The following SLIT3 variants were observed in gnomAD, a reference collection of about 807,000 sequenced individuals.
SLIT3 encodes the protein slit homolog 3 protein.
Under a neutral mutation model 184.0 loss-of-function variants are expected in SLIT3, and 68 were observed. That is an observed-to-expected ratio of 0.37 (90% confidence interval 0.30 to 0.45). The LOEUF (loss-of-function observed/expected upper bound fraction) is 0.45, where lower values mean the gene tolerates loss of function less well. Among genes scored for constraint, SLIT3 ranks in the 20% least tolerant of loss-of-function variants. The pLI is 1.00. For missense variants in SLIT3, 1,707 were observed against 2,026.0 expected, an observed-to-expected ratio of 0.84 and a Z score of 3.02; for synonymous variants, 831 against 828.6, an observed-to-expected ratio of 1.00 and a Z score of -0.05.
At chr5:169,015,679 T>G (rs1756335325) in intron 4 of SLIT3, among the ~76,000 whole-genome samples, 1 of 152,028 alleles carries the variant, frequency 6.6e-6, no homozygotes, top group Admixed American at 6.6e-5. Context: ...GCTTATAATC[T>G]CAGTGCTTTG....
chr5:168,672,144 C>T (rs567339689), intron 33 of SLIT3, among the ~76,000 whole-genome samples: 95 of 152,264 alleles, frequency 6.2e-4, no homozygotes, highest in Non-Finnish European at 1.1e-3. Flanking sequence ...CTGGGACTGG[C>T]CTGGAAGCAG....
rs549799005 is a variant in SLIT3, at chr5:168,875,477, C to CA, written c.485+7787dup. Reference sequence around the variant, plus strand: ...TGTAACACTGTCTCTACTAAAAATCCAAAAAAATTAGCCAGGTGTGGTGGC... The same window carrying CA: ...TGTAACACTGTCTCTACTAAAAATCCAAAAAAAATTAGCCAGGTGTGGTGGC... On this transcript the variant is annotated intron_variant, in intron 5 of 35. Coordinates refer to ENST00000519560, the MANE Select transcript of SLIT3 (RefSeq NM_003062.4). 3.4e-3 allele frequency among the ~76,000 whole-genome samples: 512 copies of CA among 151,770 alleles called. 5 individuals are homozygous for CA. The highest frequency in any genetic ancestry group is 0.011 in the African/African-American group (472 of 41,404).
chr5:169,126,859 T>A (rs1421487139), intron 4 of SLIT3, among the ~76,000 whole-genome samples: 1 of 150,016 alleles, frequency 6.7e-6, no homozygotes, highest in Non-Finnish European at 1.5e-5. Flanking sequence ...GTTGCCCAGA[T>A]TTTTCTCTCC....
chr5:168,880,753 T>C (rs1767374677), intron 5 of SLIT3, among the ~76,000 whole-genome samples: 1 of 152,296 alleles, frequency 6.6e-6, no homozygotes, highest in Admixed American at 6.5e-5. Flanking sequence ...ACACATGGAA[T>C]TCATACATAC....
intron 4 of SLIT3, among the ~76,000 whole-genome samples, chr5:169,062,171 G>A (rs1374854189): frequency 6.6e-6 from 1 of 152,066 alleles, no homozygotes; most frequent in Non-Finnish European, 1.5e-5. Context: ...GCGACAGAGC[G>A]AGACTCTGTC....
intron 4 of SLIT3, among the ~76,000 whole-genome samples, chr5:169,051,744 T>C (rs1757822928): frequency 6.6e-6 from 1 of 152,174 alleles, no homozygotes; most frequent in Non-Finnish European, 1.5e-5. Context: ...TCCACTGCAT[T>C]CCAAGGAGAG....
intron 9 of SLIT3, among the ~76,000 whole-genome samples, chr5:168,801,817 G>T (rs1418522451): frequency 1.3e-5 from 2 of 152,218 alleles, no homozygotes; most frequent in East Asian, 3.9e-4. Flanking sequence ...CTCACTGTGG[G>T]TTCTCTGGAA....
intron 4 of SLIT3, among the ~76,000 whole-genome samples, chr5:169,146,429 G>T (rs1761928973): frequency 6.6e-6 from 1 of 152,236 alleles, no homozygotes; most frequent in African/African-American, 2.4e-5. Flanking sequence ...TGCCTCCCGG[G>T]ATTCCATCAG....
At chr5:168,694,792 T>C (rs1762005023) in intron 28 of SLIT3, among the ~76,000 whole-genome samples, 1 of 152,186 alleles carries the variant, frequency 6.6e-6, no homozygotes, top group Non-Finnish European at 1.5e-5. Flanking sequence ...CTAATTTTTG[T>C]ATTTTTAGTA....
At chr5:168,727,231 A>C (rs547618364) in intron 20 of SLIT3, among the ~76,000 whole-genome samples, 1 of 152,190 alleles carries the variant, frequency 6.6e-6, no homozygotes, top group African/African-American at 2.4e-5. Context: ...GAGGCAGGAG[A>C]ATCATTTGAA....
intron 25 of SLIT3, among the ~76,000 whole-genome samples, chr5:168,709,117 G>A (rs937609496): frequency 1.1e-5 from 1 of 94,662 alleles, no homozygotes; most frequent in East Asian, 4.1e-4. Flanking sequence ...TTTTTTTTTT[G>A]AGATGGAGTC....
intron 4 of SLIT3, among the ~76,000 whole-genome samples, chr5:169,032,741 T>C (rs530884846): frequency 5.3e-5 from 8 of 151,942 alleles, no homozygotes; most frequent in African/African-American, 1.9e-4. Context: ...CAGGACCTCA[T>C]ATAACACTCA....
At chr5:169,161,236 G>A (rs1762467277) in intron 4 of SLIT3, among the ~76,000 whole-genome samples, 1 of 152,200 alleles carries the variant, frequency 6.6e-6, no homozygotes, top group African/African-American at 2.4e-5. Context: ...GGGGATTTGT[G>A]GTCGGCCGCT....
At chr5:168,668,753 C>G (rs1045508226) in intron 35 of SLIT3, among the ~76,000 whole-genome samples, 8 of 152,128 alleles carry the variant, frequency 5.3e-5, no homozygotes, top group African/African-American at 1.7e-4. Flanking sequence ...CTGGCCCTAT[C>G]TAGATGAGGA....
intron 4 of SLIT3, among the ~76,000 whole-genome samples, chr5:168,993,224 C>T (rs1249247723): frequency 2.6e-5 from 4 of 152,216 alleles, no homozygotes; most frequent in Admixed American, 6.5e-5. Context: ...AGATGTCAGC[C>T]AAGCGCAGAA....
chr5:169,101,676 A>G (rs1381661060), intron 4 of SLIT3, among the ~76,000 whole-genome samples: 1 of 152,240 alleles, frequency 6.6e-6, no homozygotes, highest in East Asian at 1.9e-4. Flanking sequence ...CAGTTTCAAG[A>G]AAAATGATCC....
intron 29 of SLIT3, among the ~76,000 whole-genome samples, chr5:168,688,470 A>C (rs1761812730): frequency 6.6e-6 from 1 of 152,180 alleles, no homozygotes; most frequent in Non-Finnish European, 1.5e-5. Flanking sequence ...GGTGGAATCC[A>C]CAAGTGGCAA....
At position 169,085,350 on chromosome 5, in the gene SLIT3, T is replaced by C. The variant is rs369604126; in HGVS notation, c.413+108129A>G. ...GTCAGCAACCTGGGGTTTCTGCTTT[T>C]ATGACATCTTCTGACCCAGTGAGCA... On this transcript the variant is annotated intron_variant, in intron 4 of 35. Coordinates refer to ENST00000519560, the MANE Select transcript of SLIT3 (RefSeq NM_003062.4). 3.3e-4 allele frequency among the ~76,000 whole-genome samples: 50 copies of C among 152,334 alleles called. No individual in the cohort carries two copies. In the South Asian group the frequency reaches 0.01, roughly 31 times the overall value.
chr5:169,228,614 T>C (rs1452504935), intron 3 of SLIT3, among the ~76,000 whole-genome samples: 1 of 152,194 alleles, frequency 6.6e-6, no homozygotes, highest in African/African-American at 2.4e-5. Context: ...GTATGCTTGT[T>C]TGGTGCTTTT....
Sources: gnomAD v4.1 joint callset for allele counts (sites outside exome capture counted in the v4.1 genomes callset) on GRCh38, gnomAD v4.1.1 for gene constraint, MANE v1.5 for transcripts, NCBI Gene and HGNC (gene_info 2026-07-23, HGNC 2026-07-21) for gene names.